The following GRM7 variants were observed in gnomAD, a reference collection of about 807,000 sequenced individuals.
GRM7 encodes the protein metabotropic glutamate receptor 7.
In GRM7, 35 loss-of-function variants were observed where a neutral mutation model predicts 84.5. That is an observed-to-expected ratio of 0.41 (90% CI 0.32 to 0.55). GRM7 has a LOEUF of 0.55. Ranked by LOEUF, GRM7 falls within the 20% of genes least tolerant of loss-of-function variation. The probability of loss-of-function intolerance (pLI) is 0.19; values close to 1 mark genes in which losing one functional copy is unlikely to be tolerated. For missense variants in GRM7, 1,003 were observed against 1,194.6 expected (o/e 0.84, Z 2.36); for synonymous variants, 487 against 455.1 (o/e 1.07, Z -0.89).
intron 5 of GRM7, among the ~76,000 whole-genome samples, chr3:7,428,830 A>T (rs971505678): frequency 6.6e-6 from 1 of 152,144 alleles, no homozygotes; most frequent in Non-Finnish European, 1.5e-5. Flanking sequence ...AAACATACAC[A>T]CTATATCTGT....
At chr3:7,014,606 A>T (rs991407086) in intron 1 of GRM7, among the ~76,000 whole-genome samples, 1 of 152,168 alleles carries the variant, frequency 6.6e-6, no homozygotes, top group Non-Finnish European at 1.5e-5. Flanking sequence ...GTGAGCCACC[A>T]CACCTGGCCA....
intron 1 of GRM7, among the ~76,000 whole-genome samples, chr3:7,047,235 G>C (rs537099736): frequency 1.3e-5 from 2 of 151,902 alleles, no homozygotes; most frequent in Non-Finnish European, 2.9e-5. Flanking sequence ...AATGCAGACT[G>C]TATGGCCTGA....
Position 7,661,794 on chromosome 3 carries a change from CAAAAAAAAA to C in GRM7, c.2452-18237_2452-18229del, listed in dbSNP as rs71043686. Among the ~76,000 whole-genome samples the C allele has an allele frequency of 7.4e-4, 21 of 28,204 alleles. 1 individual carries two copies. The East Asian group carries it at 0.011, about 15-fold the overall frequency. The allele number at this position is 28,204 out of a possible 152,430, so 18.5% of individuals were successfully genotyped here. A position where few individuals can be genotyped will look rare whatever the true frequency, so the allele number is the denominator to read the frequency against. On this transcript the variant is annotated intron_variant, in intron 8 of 9. Coordinates refer to ENST00000357716, the MANE Select transcript of GRM7 (RefSeq NM_000844.4). ...GGGCCACAGAGCGAGGTCTCCGTCT[CAAAAAAAAA>C]AAAAAAAAAAAAAAAAATGTAAAAT...
At chr3:7,235,780 C>A (rs1217406209) in intron 2 of GRM7, among the ~76,000 whole-genome samples, 1 of 152,058 alleles carries the variant, frequency 6.6e-6, no homozygotes, top group African/African-American at 2.4e-5. Context: ...ATAATTTTTT[C>A]TTTATCCAGA....
chr3:7,373,499 G>C (rs774635302), intron 4 of GRM7, among the ~76,000 whole-genome samples: 5 of 152,130 alleles, frequency 3.3e-5, no homozygotes, highest in African/African-American at 1.2e-4. Flanking sequence ...TCTCCAGTTT[G>C]TATTAAACTA....
intron 4 of GRM7, among the ~76,000 whole-genome samples, chr3:7,330,594 A>C (rs572821857): frequency 6.6e-6 from 1 of 152,284 alleles, no homozygotes; most frequent in African/African-American, 2.4e-5. Flanking sequence ...GTAGTGAATA[A>C]GTCTCAGAAG....
intron 6 of GRM7, among the ~76,000 whole-genome samples, chr3:7,456,977 C>G (rs1698044442): frequency 6.6e-6 from 1 of 152,008 alleles, no homozygotes; most frequent in Admixed American, 6.6e-5. Context: ...AAATCAAATC[C>G]TAGAGAAAAG....
chr3:7,332,715 C>A (rs1701254827), intron 4 of GRM7, among the ~76,000 whole-genome samples: 1 of 152,190 alleles, frequency 6.6e-6, no homozygotes, highest in Non-Finnish European at 1.5e-5. Flanking sequence ...AGGAACATAC[C>A]AGGAAAACTG....
intron 4 of GRM7, among the ~76,000 whole-genome samples, chr3:7,341,474 T>A (rs536933852): frequency 1.3e-5 from 2 of 152,178 alleles, no homozygotes; most frequent in East Asian, 1.9e-4. Flanking sequence ...AGTATTACTA[T>A]TTTATGAGCC....
At chr3:7,716,034 C>G (rs927084221) in intron 9 of GRM7, among the ~76,000 whole-genome samples, 8 of 152,272 alleles carry the variant, frequency 5.3e-5, no homozygotes, top group Admixed American at 1.3e-4. Flanking sequence ...TCTCCTGCAC[C>G]ACCAGGCTCT....
At chr3:6,910,024 A>T (rs936283506) in intron 1 of GRM7, among the ~76,000 whole-genome samples, 3 of 152,132 alleles carry the variant, frequency 2.0e-5, no homozygotes, top group African/African-American at 7.2e-5. Context: ...ATAGGATTTT[A>T]TCTATATAAG....
At chr3:7,375,494 A>C (rs1321910952) in intron 4 of GRM7, among the ~76,000 whole-genome samples, 1 of 152,136 alleles carries the variant, frequency 6.6e-6, no homozygotes, top group African/African-American at 2.4e-5. Context: ...CTGGGATTAC[A>C]GGCGTGAGCC....
At chr3:7,304,260 C>CT (rs1007893164) in intron 3 of GRM7, among the ~76,000 whole-genome samples, 1 of 137,254 alleles carries the variant, frequency 7.3e-6, no homozygotes, top group Admixed American at 7.2e-5. Context: ...ATTTTAAAGT[C>CT]TTTTTGTCAG....
At chr3:7,646,381 AG>A (rs1698639074) in intron 8 of GRM7, among the ~76,000 whole-genome samples, 7 of 152,110 alleles carry the variant, frequency 4.6e-5, no homozygotes, top group Admixed American at 4.6e-4. Flanking sequence ...TTTAGTAGAG[AG>A]GGGGTTTCAC....
At chr3:7,428,875 GC>G (rs1190014011) in intron 5 of GRM7, among the ~76,000 whole-genome samples, 2 of 152,100 alleles carry the variant, frequency 1.3e-5, no homozygotes, top group African/African-American at 2.4e-5. Flanking sequence ...TATATGATAA[GC>G]CAGTGACTTC....
chr3:7,721,973 A>C (rs1374790961), intron 9 of GRM7, among the ~76,000 whole-genome samples: 1 of 152,226 alleles, frequency 6.6e-6, no homozygotes, highest in Non-Finnish European at 1.5e-5. Flanking sequence ...ATGGAAGTGG[A>C]AATATGTTGA....
At chr3:7,247,211 G>A (rs965219890) in intron 2 of GRM7, among the ~76,000 whole-genome samples, 2 of 152,014 alleles carry the variant, frequency 1.3e-5, no homozygotes, top group African/African-American at 4.8e-5. Context: ...AAAAATACAT[G>A]AGAATATATT....
chr3:7,324,498 C>G (rs1235449696), intron 4 of GRM7, among the ~76,000 whole-genome samples: 1 of 152,128 alleles, frequency 6.6e-6, no homozygotes, highest in Non-Finnish European at 1.5e-5. Context: ...CAAAGAACAG[C>G]CTCTTATGGC....
intron 2 of GRM7, among the ~76,000 whole-genome samples, chr3:7,216,290 A>G (rs1247019574): frequency 6.6e-6 from 1 of 152,224 alleles, no homozygotes; most frequent in African/African-American, 2.4e-5. Flanking sequence ...CATCATCATT[A>G]GCATCATGTT....
Sources: allele counts gnomAD v4.1 joint callset (sites outside exome capture counted in the v4.1 genomes callset), GRCh38; gene constraint gnomAD v4.1.1; transcripts MANE v1.5; gene names NCBI Gene and HGNC (gene_info 2026-07-23, HGNC 2026-07-21).